The following SLC4A10 variants were observed in gnomAD, a reference collection of about 807,000 sequenced individuals.
SLC4A10 encodes the protein solute carrier family 4 member 10.
SLC4A10 carries 42 observed loss-of-function variants against 137.7 expected under a neutral mutation model. The observed-to-expected ratio is 0.30, with a 90% confidence interval of 0.24 to 0.39. SLC4A10 has a LOEUF of 0.39. SLC4A10 is among the 10% of genes least tolerant of loss of function. SLC4A10 has a pLI of 1.00. For missense variants in SLC4A10, 925 were observed against 1,355.0 expected, an observed-to-expected ratio of 0.68 and a Z score of 4.98; for synonymous variants, 474 against 464.1, an observed-to-expected ratio of 1.02 and a Z score of -0.27.
chr2:161,737,669 G>A (rs1358046560), intron 1 of SLC4A10, among the ~76,000 whole-genome samples: 1 of 152,098 alleles, frequency 6.6e-6, no homozygotes, highest in East Asian at 1.9e-4. Context: ...ATGTTCTACT[G>A]TAATTTTAAA....
intron 2 of SLC4A10, among the ~76,000 whole-genome samples, chr2:161,782,750 A>G (rs1670708193): frequency 6.8e-6 from 1 of 147,990 alleles, no homozygotes; most frequent in African/African-American, 2.5e-5. Flanking sequence ...AAGCTAAAGA[A>G]AGAATCAGTG....
At chr2:161,770,521 C>T (rs1348319546) in intron 1 of SLC4A10, among the ~76,000 whole-genome samples, 2 of 151,750 alleles carry the variant, frequency 1.3e-5, no homozygotes, top group Non-Finnish European at 2.9e-5. Context: ...GAGATTAGAT[C>T]CCCCAATCCC....
intron 5 of SLC4A10, among the ~76,000 whole-genome samples, chr2:161,857,583 C>T (rs1040046927): frequency 1.3e-5 from 2 of 151,852 alleles, no homozygotes; most frequent in Non-Finnish European, 2.9e-5. Context: ...CTTATTTATC[C>T]CCTCAATATA....
In SLC4A10 at chr2:161,894,689, A is replaced by G; in HGVS notation, c.1205A>G (p.Asp402Gly). The G allele has an allele frequency of 7.1e-7, 1 of 1,404,296 alleles. No homozygotes were observed. Among genetic ancestry groups the G allele is most frequent in the Non-Finnish European group, 9.3e-7 (1 of 1,069,820 alleles). The allele number at this position is 1,404,296 out of a possible 1,614,324, so 87.0% of individuals were successfully genotyped here. ...CTATTTCTTCTAAAGGTATTTCATG[A>G]TGTTGCCTATAAAGCTAAAGATCGT... is the stretch of plus-strand genomic sequence containing the variant. ...ATLMTDEVFH[D>G]VAYKAKDRND... Residue 402 changes from aspartate to glycine, a missense_variant, in exon 11 of 27, where the codon GAT (aspartate) becomes GGT (glycine). Coordinates refer to ENST00000446997, the MANE Select transcript of SLC4A10 (RefSeq NM_001178015.2).
chr2:161,865,179 C>G (rs1433486684), intron 6 of SLC4A10, among the ~76,000 whole-genome samples: 1 of 151,368 alleles, frequency 6.6e-6, no homozygotes, highest in Non-Finnish European at 1.5e-5. Flanking sequence ...TTTTTTCAGG[C>G]AAGAGACTAC....
chr2:161,895,005 T>G (rs10166001), intron 11 of SLC4A10, among the ~76,000 whole-genome samples, 180 bp downstream of exon 11: 66 of 151,632 alleles, frequency 4.4e-4, no homozygotes, highest in African/African-American at 1.6e-3. Context: ...GCTGGTGTGC[T>G]GCACCCATTA....
chr2:161,964,798 A>C (rs926607350), intron 22 of SLC4A10, among the ~76,000 whole-genome samples: 4 of 152,110 alleles, frequency 2.6e-5, no homozygotes, highest in Non-Finnish European at 5.9e-5. Context: ...AATACATTTT[A>C]TAGGTTTTTT....
intron 1 of SLC4A10, among the ~76,000 whole-genome samples, chr2:161,734,740 T>C (rs1196697399): frequency 6.7e-6 from 1 of 149,864 alleles, no homozygotes; most frequent in Non-Finnish European, 1.5e-5. Flanking sequence ...ATACTCTGTA[T>C]ATATATTTTT....
At chr2:161,653,149 G>C (rs569856185) in intron 1 of SLC4A10, among the ~76,000 whole-genome samples, 1 of 152,064 alleles carries the variant, frequency 6.6e-6, no homozygotes, top group African/African-American at 2.4e-5. Context: ...ATGGTTTCCA[G>C]CTTCATCCAT....
intron 3 of SLC4A10, among the ~76,000 whole-genome samples, chr2:161,825,907 G>A (rs1005442019): frequency 1.5e-4 from 23 of 152,214 alleles, no homozygotes; most frequent in African/African-American, 5.3e-4. Context: ...ACATAACTAG[G>A]TTTTTAGAGC....
chr2:161,955,387 C>T (rs1281021664), intron 19 of SLC4A10, among the ~76,000 whole-genome samples: 1 of 152,154 alleles, frequency 6.6e-6, no homozygotes, highest in East Asian at 1.9e-4. Flanking sequence ...CTCTTCAACT[C>T]TTACTAATCA....
intron 1 of SLC4A10, among the ~76,000 whole-genome samples, chr2:161,765,631 T>A (rs1162245246): frequency 6.7e-6 from 1 of 149,034 alleles, no homozygotes; most frequent in South Asian, 2.1e-4. Flanking sequence ...AAAAAGTGTA[T>A]CCTGATGGTG....
At chr2:161,762,262 T>C (rs890008818) in intron 1 of SLC4A10, among the ~76,000 whole-genome samples, 2 of 152,038 alleles carry the variant, frequency 1.3e-5, no homozygotes, top group African/African-American at 4.8e-5. Context: ...AGAATAAATA[T>C]GAGTTTAAAA....
intron 2 of SLC4A10, 97 bp from the exon 3 acceptor site, chr2:161,804,352 A>T: frequency 7.6e-7 from 1 of 1,320,936 alleles, no homozygotes; most frequent in South Asian, 1.6e-5. Flanking sequence ...TGACTTGCTG[A>T]ATTAAATTAA....
At chr2:161,965,347 A>T (rs1350697749) in intron 23 of SLC4A10, among the ~76,000 whole-genome samples, 174 bp downstream of exon 23, 1 of 152,222 alleles carries the variant, frequency 6.6e-6, no homozygotes, top group Admixed American at 6.5e-5. Flanking sequence ...AAAGATTTGA[A>T]CAGAGAGAGA....
chr2:161,724,533 T>C lies in SLC4A10; in HGVS notation c.49-46440T>C, dbSNP rs994427227. 2.6e-5 allele frequency among the ~76,000 whole-genome samples: 4 copies of C among 152,308 alleles called. No individual in the cohort carries two copies. In the South Asian group the frequency reaches 6.2e-4, roughly 24 times the overall value. On this transcript the variant is annotated intron_variant, in intron 1 of 26. Transcript: ENST00000446997. Reference sequence around the variant, plus strand: ...GTGTGAACAAGATAGATATAATCTTTAGTGCAGCGTGCTATGGGAATCTGA... The same window carrying C: ...GTGTGAACAAGATAGATATAATCTTCAGTGCAGCGTGCTATGGGAATCTGA...
intron 1 of SLC4A10, among the ~76,000 whole-genome samples, chr2:161,738,259 G>T (rs1436539102): frequency 6.6e-6 from 1 of 152,150 alleles, no homozygotes; most frequent in Non-Finnish European, 1.5e-5. Context: ...CTCTACTTGG[G>T]ATCCCACTTC....
chr2:161,927,689 AC>A (rs2105578064), intron 15 of SLC4A10, among the ~76,000 whole-genome samples: 1 of 152,218 alleles, frequency 6.6e-6, no homozygotes, highest in Non-Finnish European at 1.5e-5. Flanking sequence ...AAAACAAACA[AC>A]CCCATCAAAA....
intron 1 of SLC4A10, among the ~76,000 whole-genome samples, chr2:161,699,343 T>C (rs1445829850): frequency 6.6e-6 from 1 of 152,150 alleles, no homozygotes; most frequent in Non-Finnish European, 1.5e-5. Context: ...TTTCTCTTGT[T>C]TGAGTCACCT....
Sources: allele counts gnomAD v4.1 joint callset (sites outside exome capture counted in the v4.1 genomes callset), GRCh38; gene constraint gnomAD v4.1.1; transcripts MANE v1.5; gene names NCBI Gene and HGNC (gene_info 2026-07-23, HGNC 2026-07-21).